The following RELN variants were observed in gnomAD, a reference collection of about 807,000 sequenced individuals.
RELN encodes the protein reelin.
Under a neutral mutation model 427.6 loss-of-function variants are expected in RELN, and 108 were observed. That is an observed-to-expected ratio of 0.25 (90% CI 0.22 to 0.30). The LOEUF is 0.30. Ranked by LOEUF, RELN falls within the 10% of genes least tolerant of loss-of-function variation. The pLI, the probability that RELN is intolerant of heterozygous loss-of-function variation, is 1.00. For synonymous variants in RELN, 1,524 were observed against 1,513.4 expected, an observed-to-expected ratio of 1.01 and a Z score of -0.16; for missense variants, 3,715 against 4,302.8, an observed-to-expected ratio of 0.86 and a Z score of 3.82.
intron 10 of RELN, among the ~76,000 whole-genome samples, chr7:103,689,144 A>G (rs1407713911): frequency 6.6e-6 from 1 of 152,150 alleles, no homozygotes; most frequent in Non-Finnish European, 1.5e-5. Flanking sequence ...TAAAGGAGAA[A>G]CAGAGTAATC....
intron 1 of RELN, among the ~76,000 whole-genome samples, chr7:103,952,259 C>A (rs559289490): frequency 6.5e-4 from 99 of 152,276 alleles, no homozygotes; most frequent in African/African-American, 2.2e-3. Flanking sequence ...AACCTTCAGT[C>A]TGATTCTTTG....
chr7:103,966,676 G>A lies in RELN; in HGVS notation c.226+22455C>T, dbSNP rs150335653. ...CATAAATGTACCAGAAGCAAATATC[G>A]GAAGCTACAAATGTACCAGAAGCTA... On this transcript the variant is annotated intron_variant, in intron 1 of 64. Coordinates refer to ENST00000428762, the MANE Select transcript of RELN (RefSeq NM_005045.4). 3.4e-3 allele frequency among the ~76,000 whole-genome samples: 520 copies of A among 152,226 alleles called. 4 individuals carry two copies. Among genetic ancestry groups the A allele is most frequent in the African/African-American group, 0.012 (491 of 41,526 alleles).
chr7:103,481,692 G>C (rs933704157), intron 63 of RELN, among the ~76,000 whole-genome samples: 5 of 152,136 alleles, frequency 3.3e-5, no homozygotes, highest in African/African-American at 1.2e-4. Flanking sequence ...ATGGTTCTAG[G>C]GTTGGATTTT....
chr7:103,976,703 ACAGT>A (rs1796886478), intron 1 of RELN, among the ~76,000 whole-genome samples: 1 of 152,140 alleles, frequency 6.6e-6, no homozygotes, highest in Non-Finnish European at 1.5e-5. Context: ...AAGGCCTAAG[ACAGT>A]CAGGGAGTCA....
At chr7:103,604,263 C>G in intron 23 of RELN, 83 bp downstream of exon 23, 1 of 1,518,110 alleles carries the variant, frequency 6.6e-7, no homozygotes, top group South Asian at 1.1e-5. Flanking sequence ...CTATCCATGT[C>G]ACTCTGATGA....
Position 103,471,946 on chromosome 7 carries a change from G to C in RELN, c.*866C>G, listed in dbSNP as rs754242121. The C allele has an allele frequency of 1.3e-5, 2 of 152,386 alleles. No homozygotes were observed. The highest frequency in any genetic ancestry group is 2.9e-5 in the Non-Finnish European group (2 of 67,990). 9.4% of individuals were successfully genotyped at this position (152,386 alleles called of 1,614,324 possible). On this transcript the variant is annotated 3_prime_UTR_variant, in exon 65 of 65. Coordinates refer to ENST00000428762, the MANE Select transcript of RELN (RefSeq NM_005045.4). ...TCATCAGAAGGTATGAATATGACCC[G>C]CAGAAAAAACAATCCACGAAGAAAA...
intron 1 of RELN, among the ~76,000 whole-genome samples, chr7:103,984,484 T>G (rs916081876): frequency 6.6e-6 from 1 of 152,276 alleles, no homozygotes; most frequent in African/African-American, 2.4e-5. Context: ...TCTGCCAAAA[T>G]GAAATATTTT....
chr7:103,662,751 C>T (rs1833172685), intron 11 of RELN, among the ~76,000 whole-genome samples: 3 of 151,972 alleles, frequency 2.0e-5, no homozygotes, highest in East Asian at 1.9e-4. Flanking sequence ...GGAACAAATC[C>T]ATGGAGAGTT....
At chr7:103,792,128 G>A (rs539846460) in intron 3 of RELN, among the ~76,000 whole-genome samples, 1 of 152,108 alleles carries the variant, frequency 6.6e-6, no homozygotes, top group South Asian at 2.1e-4. Context: ...AATAAAAATG[G>A]TATAGCCACT....
rs1254113534 is a variant in RELN, at chr7:103,635,531, C to T, written c.2359G>A (p.Ala787Thr). ...ACTCCTTCACCAGGCTGATCAGGGG[C>T]TCTGCACGTGCTCAGAACAGATTTG... ...GSKSVLSTCRAPDQPGEGVLL... is the reference protein window; with the variant it reads ...GSKSVLSTCRTPDQPGEGVLL... Residue 787 changes from alanine (A) to threonine (T), a missense_variant, in exon 19 of 65, where the codon GCC becomes ACC. Around this residue, in one of 4 missense-constraint regions of RELN, gnomAD observed 2,208 missense variants for 2,361.7 expected, o/e 0.93. Transcript: ENST00000428762. 8.7e-6 allele frequency: 14 copies of T among 1,614,020 alleles called. No homozygotes were observed. The highest frequency in any genetic ancestry group is 1.2e-5 in the Non-Finnish European group (14 of 1,179,900).
intron 10 of RELN, among the ~76,000 whole-genome samples, chr7:103,687,615 T>C (rs574398958): frequency 5.3e-5 from 8 of 152,278 alleles, no homozygotes; most frequent in African/African-American, 1.9e-4. Context: ...TGAATGTCAC[T>C]ATGCAAGCTA....
intron 9 of RELN, among the ~76,000 whole-genome samples, 191 bp from the exon 10 acceptor site, chr7:103,698,284 T>A (rs1028275451): frequency 1.3e-5 from 2 of 152,192 alleles, no homozygotes; most frequent in African/African-American, 4.8e-5. Flanking sequence ...TATTGAATGA[T>A]GACAGTTCAA....
Position 103,697,921 on chromosome 7 carries a change from C to A in RELN, c.1075G>T (p.Val359Phe), listed in dbSNP as rs114926265. Residue 359 changes from valine (V) to phenylalanine (F), a missense_variant, in exon 10 of 65, where the codon GTT becomes TTT. Coordinates refer to ENST00000428762, the MANE Select transcript of RELN (RefSeq NM_005045.4). ...ACTGGGTCGAGACTATCTTCTAAAACGACTTGTCTGTGAGCTGAATTGATG... is the reference window on the plus strand; with the variant it reads ...ACTGGGTCGAGACTATCTTCTAAAAAGACTTGTCTGTGAGCTGAATTGATG... ...LIINSAHRQVVLEDSLDPVDT... is the reference protein window; with the variant it reads ...LIINSAHRQVFLEDSLDPVDT... The A allele has an allele frequency of 6.2e-7, 1 of 1,613,746 alleles. No homozygotes were observed. The highest frequency in any genetic ancestry group is 8.5e-7 in the Non-Finnish European group (1 of 1,179,822).
intron 4 of RELN, among the ~76,000 whole-genome samples, chr7:103,756,399 A>T (rs895576082): frequency 1.5e-4 from 23 of 152,180 alleles, no homozygotes; most frequent in Non-Finnish European, 2.9e-5. Flanking sequence ...TCCACTGCTT[A>T]TTTTTATAGC....
At chr7:103,735,711 G>A (rs1020703694) in intron 6 of RELN, among the ~76,000 whole-genome samples, 4 of 152,176 alleles carry the variant, frequency 2.6e-5, no homozygotes, top group African/African-American at 9.7e-5. Context: ...TAATCACCTA[G>A]AAACTCACTG....
At chr7:103,476,506 A>T (rs1440278657) in intron 64 of RELN, among the ~76,000 whole-genome samples, 2 of 152,120 alleles carry the variant, frequency 1.3e-5, no homozygotes, top group Non-Finnish European at 2.9e-5. Context: ...AAACAAACAA[A>T]AAAACCACAC....
At chr7:103,748,938 T>G (rs1381280952) in intron 6 of RELN, among the ~76,000 whole-genome samples, 1 of 152,214 alleles carries the variant, frequency 6.6e-6, no homozygotes, top group Non-Finnish European at 1.5e-5. Context: ...AGACAAGCTT[T>G]TAATGAGTGA....
In RELN at chr7:103,473,085, GGACC is replaced by G. The variant is rs1311698610; in HGVS notation, c.10287-181_10287-178del. ...CCAGGGTCAGAGGAACTAAAGGCTG[GGACC>G]TATACTCACTGCCTTTGGCCTTGAA... On this transcript the variant is annotated intron_variant, in intron 64 of 64. Transcript: ENST00000428762. 9 of 715,224 alleles carry G rather than the reference GGACC, an allele frequency of 1.3e-5. No homozygotes were observed. The Admixed American group carries it at 1.8e-4, about 14-fold the overall frequency. 44.3% of individuals were successfully genotyped at this position (715,224 alleles called of 1,614,324 possible).
At chr7:103,773,762 G>T (rs753451898) in intron 4 of RELN, among the ~76,000 whole-genome samples, 2 of 151,770 alleles carry the variant, frequency 1.3e-5, no homozygotes, top group African/African-American at 4.8e-5. Context: ...GACCCACTGC[G>T]CGCGGCCTCC....
Sources: allele counts gnomAD v4.1 joint callset (sites outside exome capture counted in the v4.1 genomes callset), GRCh38; gene constraint gnomAD v4.1.1; regional missense constraint gnomAD v4.1.1; transcripts MANE v1.5; gene names NCBI Gene and HGNC (gene_info 2026-07-23, HGNC 2026-07-21).